Variants in TBC1D31 observed in about 807,000 individuals in gnomAD.
TBC1D31 encodes WD repeat domain 67.
Under a neutral mutation model 132.9 loss-of-function variants are expected in TBC1D31, and 99 were observed. The ratio of observed to expected loss-of-function variants is 0.74; its 90% CI spans 0.63 to 0.88. The LOEUF (loss-of-function observed/expected upper bound fraction) is 0.88. TBC1D31 is among the 40% of genes least tolerant of loss of function. TBC1D31 has a pLI of 0.00. For missense variants in TBC1D31, 1,134 were observed against 1,256.6 expected, an observed-to-expected ratio of 0.90 and a Z score of 1.48; for synonymous variants, 385 against 419.4, an observed-to-expected ratio of 0.92 and a Z score of 1.00.
In TBC1D31 at chr8:123,109,334, A is replaced by G; in HGVS notation, c.1227A>G (p.Gly409=). 6.3e-7 allele frequency: 1 copy of G among 1,597,668 alleles called. No individual in the cohort carries two copies. Among genetic ancestry groups the G allele is most frequent in the Non-Finnish European group, 8.6e-7 (1 of 1,167,324 alleles). ...CTTTGTAGAATGAATTACCAGATGG[A>G]TTAAACAAAAAGCGTTTACAAATCT... is the stretch of plus-strand genomic sequence containing the variant. The part of the protein sequence containing the change: ...FESKKNELPD[G]LNKKRLQILL... Residue 409 remains glycine (G), a synonymous_variant, in exon 9 of 22, where the codon GGA becomes GGG. Transcript: ENST00000287380.
rs1215195936 is a variant in TBC1D31 at position 123,100,819 on chromosome 8, C to G, written c.844C>G (p.Leu282Val). ...DAGSNQVLGV[L>V]SQDGIMRFIN... ...TTTTCTCTCTTAGGTTCTTGGAGTA[C>G]TAAGTCAAGATGGTATTATGAGATT... The change falls in exon 7 of 22, where the codon CTA becomes GTA. Residue 282 changes from leucine to valine, a missense_variant. By Grantham distance (32) the Leu-to-Val change is conservative (BLOSUM62 1). Coordinates refer to ENST00000287380, the MANE Select transcript of TBC1D31 (RefSeq NM_145647.4). 2 of 1,612,514 alleles carry G rather than the reference C, an allele frequency of 1.2e-6. No homozygotes were observed. The highest frequency in any genetic ancestry group is 1.3e-5 in the African/African-American group (1 of 74,828).
the TBC1D31 span, among the ~76,000 whole-genome samples, chr8:123,162,306 G>C: frequency 1.0e-3 from 154 of 150,616 alleles, no homozygotes; most frequent in African/African-American, 3.7e-3. Context: ...AAGTGTATCT[G>C]TGTGTGTGTG....
chr8:123,097,510 C>G, intron 6 of TBC1D31, 69 bp downstream of exon 6: 1 of 1,467,108 alleles, frequency 6.8e-7, no homozygotes, highest in South Asian at 1.3e-5. Context: ...ACTATATTAG[C>G]TCTTATTTAT....
chr8:123,099,615 G>A (rs1007185281), intron 6 of TBC1D31, among the ~76,000 whole-genome samples: 4 of 152,126 alleles, frequency 2.6e-5, no homozygotes, highest in Admixed American at 2.6e-4. Flanking sequence ...AGGTTTGTGT[G>A]GGGGTAGCAG....
intron 16 of TBC1D31, among the ~76,000 whole-genome samples, 173 bp from the exon 17 acceptor site, chr8:123,133,941 T>A (rs1203761046): frequency 6.6e-6 from 1 of 152,192 alleles, no homozygotes; most frequent in South Asian, 2.1e-4. Flanking sequence ...TGAGAGATTA[T>A]TCCTAGGTTC....
At chr8:123,135,224 T>A (rs1297616926) in intron 17 of TBC1D31, among the ~76,000 whole-genome samples, 1 of 152,236 alleles carries the variant, frequency 6.6e-6, no homozygotes, top group Non-Finnish European at 1.5e-5. Flanking sequence ...AATTGGAATC[T>A]TCTGGAGTTA....
chr8:123,075,614 A>ATC (rs2130597319), intron 1 of TBC1D31, among the ~76,000 whole-genome samples: 1 of 152,216 alleles, frequency 6.6e-6, no homozygotes, highest in East Asian at 1.9e-4. Flanking sequence ...GAGGCAGGAG[A>ATC]ATCACTTGAA....
At chr8:123,156,955 C>A (rs1823007087), downstream of TBC1D31, among the ~76,000 whole-genome samples, 1 of 152,184 alleles carries the variant, frequency 6.6e-6, no homozygotes, top group Non-Finnish European at 1.5e-5. Context: ...CCCCCTCCTC[C>A]CCCCCGCGAC....
chr8:123,097,085 A>G (rs1163271450), intron 5 of TBC1D31, among the ~76,000 whole-genome samples, 197 bp from the exon 6 acceptor site: 1 of 152,226 alleles, frequency 6.6e-6, no homozygotes, highest in Non-Finnish European at 1.5e-5. Flanking sequence ...GAATTAATAC[A>G]AATTAAATAA....
In TBC1D31 at chr8:123,082,819, TAAG is replaced by T; in HGVS notation, c.340+6_340+8del. The T allele has an allele frequency of 6.3e-7, 1 of 1,576,612 alleles. No homozygotes were observed. The highest frequency in any genetic ancestry group is 1.1e-5 in the South Asian group (1 of 89,244). ...ATTCTATTAAATGTTTTGATACAGGTAAGAAGTTCTCCTATTTTTCTTTTGAAG... is the reference window on the plus strand; with the variant it reads ...ATTCTATTAAATGTTTTGATACAGGTAAGTTCTCCTATTTTTCTTTTGAAG... On this transcript the variant is annotated splice_donor_5th_base_variant and intron_variant, in intron 3 of 21. Transcript: ENST00000287380.
chr8:123,076,214 C>T (rs1814494956), intron 1 of TBC1D31, among the ~76,000 whole-genome samples: 2 of 152,130 alleles, frequency 1.3e-5, no homozygotes, highest in South Asian at 4.1e-4. Context: ...GATAATGCCA[C>T]CTCAGACTCC....
intron 21 of TBC1D31, among the ~76,000 whole-genome samples, chr8:123,151,112 C>G (rs1425304632): frequency 7.1e-6 from 1 of 140,618 alleles, no homozygotes; most frequent in Non-Finnish European, 1.5e-5. Flanking sequence ...AGATTCTCAG[C>G]TACTCTCTAT....
chr8:123,105,351 C>G lies in TBC1D31; in HGVS notation c.1096C>G (p.Leu366Val). The G allele has an allele frequency of 6.2e-7, 1 of 1,609,574 alleles. No homozygotes were observed. The highest frequency in any genetic ancestry group is 1.1e-5 in the South Asian group (1 of 90,292). ...CAAGAATAAACTGAGTTCCAGTGAT[C>G]TTAAGATGAAAGTAACATCAGGGAG... ...LPKNKLSSSD[L>V]KMKVTSGRVQ... is the part of the protein sequence containing the mutation. The change falls in exon 8 of 22, where the codon CTT becomes GTT. Residue 366 changes from leucine to valine, a missense_variant. Physicochemically the swap from Leu to Val is conservative, Grantham distance 32. Transcript: ENST00000287380.
chr8:123,102,315 A>G (rs780441278), intron 7 of TBC1D31: 5 of 455,666 alleles, frequency 1.1e-5, no homozygotes, highest in African/African-American at 2.0e-5. Context: ...CAATTCTTCC[A>G]AGATTACATG....
chr8:123,076,974 T>G, intron 1 of TBC1D31, 137 bp from the exon 2 acceptor site: 1 of 718,214 alleles, frequency 1.4e-6, no homozygotes, highest in South Asian at 2.3e-5. Flanking sequence ...GTAAGATTGA[T>G]TCTAGAGGAG....
intron 4 of TBC1D31, among the ~76,000 whole-genome samples, chr8:123,087,151 C>T (rs958106730): frequency 1.3e-5 from 2 of 152,216 alleles, no homozygotes; most frequent in Admixed American, 1.3e-4. Context: ...CACACAGGCC[C>T]TATTCCTCAA....
At chr8:123,117,720 TC>T (rs1819075996) in intron 10 of TBC1D31, among the ~76,000 whole-genome samples, 1 of 127,144 alleles carries the variant, frequency 7.9e-6, no homozygotes, top group Non-Finnish European at 1.5e-5. Context: ...GCCACTGCGC[TC>T]CAGCCTGGGC....
At position 123,126,588 on chromosome 8, in the gene TBC1D31, C is replaced by A. The variant is rs1820053741; in HGVS notation, c.1785C>A (p.Ile595=). 1 of 1,614,004 alleles carries A rather than the reference C, an allele frequency of 6.2e-7. No individual in the cohort carries two copies. Among genetic ancestry groups the A allele is most frequent in the Non-Finnish European group, 8.5e-7 (1 of 1,179,950 alleles). ...AGTGGCTGAAATTGTTCGATAATATCTTTTCCAACCATCCTTCCTTCCTTC... is the reference window on the plus strand; with the variant it reads ...AGTGGCTGAAATTGTTCGATAATATATTTTCCAACCATCCTTCCTTCCTTC... ...REEWLKLFDN[I]FSNHPSFLLM... is the part of the protein sequence containing the mutation. The change falls in exon 13 of 22, where the codon ATC becomes ATA. Residue 595 remains isoleucine, a synonymous_variant. Transcript: ENST00000287380.
At chr8:123,105,509 A>G (rs1817840925) in intron 8 of TBC1D31, 45 bp downstream of exon 8, 1 of 1,518,640 alleles carries the variant, frequency 6.6e-7, no homozygotes, top group South Asian at 1.2e-5. Context: ...TCTGCTGTAG[A>G]CAAGTCTTGT....
Sources: gnomAD v4.1 joint callset for allele counts (sites outside exome capture counted in the v4.1 genomes callset) on GRCh38, gnomAD v4.1.1 for gene constraint, MANE v1.5 for transcripts, NCBI Gene and HGNC (gene_info 2026-07-23, HGNC 2026-07-21) for gene names.